ARID3A: variants seen among roughly 807,000 people sequenced by gnomAD.
The protein encoded by ARID3A is AT-rich interactive domain-containing protein 3A.
A neutral mutation model predicts 52.7 loss-of-function variants in ARID3A; 11 were observed. That is an observed-to-expected ratio of 0.21 (90% CI 0.13 to 0.35). The LOEUF is 0.35. Among genes scored for constraint, ARID3A ranks in the 10% least tolerant of loss-of-function variants. The pLI is 1.00. For missense variants in ARID3A, 721 were observed against 838.5 expected (o/e 0.86, Z 1.73); for synonymous variants, 404 against 359.4 (o/e 1.12, Z -1.40).
chr19:957,113 TGG>T (rs10710407), intron 3 of ARID3A, among the ~76,000 whole-genome samples: 15 of 151,438 alleles, frequency 9.9e-5, no homozygotes, highest in Admixed American at 2.0e-4. Context: ...AACCTGTGGG[TGG>T]GGGGGGGCGC....
chr19:926,888 C>T (rs1052123260), intron 1 of ARID3A, among the ~76,000 whole-genome samples: 7 of 152,176 alleles, frequency 4.6e-5, no homozygotes, highest in East Asian at 3.9e-4. Context: ...GGGGTTCCCC[C>T]CCCCATGCAA....
At chr19:933,672 G>T (rs1317124125) in intron 3 of ARID3A, among the ~76,000 whole-genome samples, 1 of 152,142 alleles carries the variant, frequency 6.6e-6, no homozygotes. Flanking sequence ...AGACACCCAG[G>T]GGGGCCTCCC....
chr19:964,112 C>A lies in ARID3A; in HGVS notation c.767-136C>A. On this transcript the variant is annotated intron_variant, in intron 4 of 8. Coordinates refer to ENST00000263620, the MANE Select transcript of ARID3A (RefSeq NM_005224.3). This position sits in a 1 kb window ranked among gnomAD's most constrained non-coding sequence, Gnocchi z 5.7. ...TCCTGCACCCACAGAGGGCCCTGGG[C>A]AATGTCTGGAGACATCTGTGGTTGT... is the stretch of plus-strand genomic sequence containing the variant. The A allele has an allele frequency of 1.5e-6, 1 of 683,844 alleles. No individual in the cohort carries two copies. The highest frequency in any genetic ancestry group is 2.4e-6 in the Non-Finnish European group (1 of 413,832). 42.4% of individuals were successfully genotyped at this position (683,844 alleles called of 1,614,324 possible).
chr19:927,159 G>A (rs1489560355), intron 1 of ARID3A, among the ~76,000 whole-genome samples: 1 of 152,104 alleles, frequency 6.6e-6, no homozygotes, highest in Non-Finnish European at 1.5e-5. Context: ...CCGAGCGGGT[G>A]ACCTCTCTCC....
rs2037569794 is a variant in ARID3A at position 942,162 on chromosome 19, G to A, written c.693+9420G>A. ...CCACCGAGCTATGGACAGGGCCGCT[G>A]GGGGTGCACCCCCACCCTCTCCGAC... On this transcript the variant is annotated intron_variant, in intron 3 of 8. Transcript: ENST00000263620. This position sits in a 1 kb window ranked among gnomAD's most constrained non-coding sequence, Gnocchi z 8.1. Among the ~76,000 whole-genome samples, 1 of 152,138 alleles carries A rather than the reference G, an allele frequency of 6.6e-6. No individual in the cohort carries two copies. The highest frequency in any genetic ancestry group is 1.5e-5 in the Non-Finnish European group (1 of 68,002).
At position 965,019 on chromosome 19, in the gene ARID3A, C is replaced by T; in HGVS notation, c.1137C>T (p.Ser379=). The T allele has an allele frequency of 6.2e-7, 1 of 1,613,624 alleles. No homozygotes were observed. The highest frequency in any genetic ancestry group is 8.5e-7 in the Non-Finnish European group (1 of 1,179,888). ...MLSSPKLPVS[S]LGLAASTNGS... Reference sequence around the variant, plus strand: ...CCTCACCCAAGCTACCCGTGTCCTCCCTGGGCCTGGCCGCAAGCACCAATG... The same window carrying T: ...CCTCACCCAAGCTACCCGTGTCCTCTCTGGGCCTGGCCGCAAGCACCAATG... Residue 379 remains serine, a synonymous_variant, in exon 6 of 9, where the codon TCC becomes TCT. Coordinates refer to ENST00000263620, the MANE Select transcript of ARID3A (RefSeq NM_005224.3).
intron 3 of ARID3A, among the ~76,000 whole-genome samples, chr19:945,749 C>T (rs907070452): frequency 6.6e-6 from 1 of 152,140 alleles, no homozygotes; most frequent in African/African-American, 2.4e-5. Context: ...GTGGGGACGG[C>T]GTCGACATGG....
intron 3 of ARID3A, among the ~76,000 whole-genome samples, chr19:949,965 C>T (rs1045932296): frequency 6.6e-6 from 1 of 152,174 alleles, no homozygotes; most frequent in Non-Finnish European, 1.5e-5. Flanking sequence ...GTCACCGCAT[C>T]TGGGCTAGAT....
rs2038115670 is a variant in ARID3A, at chr19:964,955, T to C, written c.1073T>C (p.Leu358Pro). The C allele has an allele frequency of 6.2e-7, 1 of 1,613,816 alleles. No individual in the cohort carries two copies. The highest frequency in any genetic ancestry group is 8.5e-7 in the Non-Finnish European group (1 of 1,180,026). Reference sequence around the variant, plus strand: ...CGGCGCCAGAGCTTTGGTGGCTCCCTCTTTGCCTACTCGCCAGGCGGGGCA... The same window carrying C: ...CGGCGCCAGAGCTTTGGTGGCTCCCCCTTTGCCTACTCGCCAGGCGGGGCA... ...EGRRQSFGGS[L>P]FAYSPGGAHG... The change falls in exon 6 of 9, where the codon CTC (leucine) becomes CCC (proline). Residue 358 changes from leucine to proline, a missense_variant. Around this residue, in one of 5 missense-constraint regions of ARID3A, gnomAD observed 297 missense variants for 343.2 expected, o/e 0.87. Transcript: ENST00000263620. This position sits in a 1 kb window ranked among gnomAD's most constrained non-coding sequence, Gnocchi z 5.7.
intron 6 of ARID3A, 51 bp downstream of exon 6, chr19:965,131 G>A: frequency 6.5e-7 from 1 of 1,534,976 alleles, no homozygotes; most frequent in Non-Finnish European, 8.8e-7. Context: ...GCTTCAGCCT[G>A]GCTGTCTGAC....
intron 8 of ARID3A, among the ~76,000 whole-genome samples, chr19:969,285 C>G (rs1015143283): frequency 1.3e-5 from 2 of 151,844 alleles, no homozygotes; most frequent in Admixed American, 1.3e-4. Flanking sequence ...GGCTATAGTT[C>G]CAGCACTTCG....
In ARID3A at chr19:974,615, T is replaced by G; in HGVS notation, c.*2550T>G. On this transcript the variant is annotated 3_prime_UTR_variant, in exon 9 of 9. Transcript: ENST00000263620. Reference sequence around the variant, plus strand: ...GTGCACCAGGGTCTGCAGCAGCCACTGGGGCCTGGCTGCCTGCTGCATCTG... The same window carrying G: ...GTGCACCAGGGTCTGCAGCAGCCACGGGGGCCTGGCTGCCTGCTGCATCTG... The G allele has an allele frequency of 4.3e-6, 1 of 230,002 alleles. No homozygotes were observed. Among genetic ancestry groups the G allele is most frequent in the Non-Finnish European group, 8.6e-6 (1 of 116,006 alleles). 14.2% of individuals were successfully genotyped at this position (230,002 alleles called of 1,614,324 possible).
Position 929,446 on chromosome 19 carries a change from C to G in ARID3A, c.-83C>G. On this transcript the variant is annotated 5_prime_UTR_variant, in exon 2 of 9. Transcript: ENST00000263620. The surrounding 1 kb of genome is among the most constrained non-coding windows in gnomAD (Gnocchi z 6.2). The stretch of plus-strand genomic sequence containing the variant: ...CTGCAGTGCGGCCGGGCCCCCTCCC[C>G]GCAGGGGCCGCCCCCGCCGCCCACC... 1 of 1,277,278 alleles carries G rather than the reference C, an allele frequency of 7.8e-7. No individual in the cohort carries two copies. The highest frequency in any genetic ancestry group is 9.9e-7 in the Non-Finnish European group (1 of 1,007,754). The allele number at this position is 1,277,278 out of a possible 1,614,324, so 79.1% of individuals were successfully genotyped here.
chr19:957,378 C>G (rs376221327), intron 3 of ARID3A, among the ~76,000 whole-genome samples: 1 of 152,202 alleles, frequency 6.6e-6, no homozygotes, highest in Non-Finnish European at 1.5e-5. Context: ...GCTCTGGTCC[C>G]GCACTCGCCG....
rs1030994964 is a variant in ARID3A at position 975,884 on chromosome 19, G to A, written c.*3819G>A. On this transcript the variant is annotated 3_prime_UTR_variant, in exon 9 of 9. Coordinates refer to ENST00000263620, the MANE Select transcript of ARID3A (RefSeq NM_005224.3). ...AAATATTTAAGACGATTGTAACCCT[G>A]TAAAGCTGATGAGATATTAAAACGA... 5.5e-6 allele frequency: 1 copy of A among 182,928 alleles called. No homozygotes were observed. The highest frequency in any genetic ancestry group is 1.2e-5 in the Non-Finnish European group (1 of 86,126). 11.3% of individuals were successfully genotyped at this position (182,928 alleles called of 1,614,324 possible).
At chr19:953,816 G>C (rs1009498962) in intron 3 of ARID3A, among the ~76,000 whole-genome samples, 1 of 152,216 alleles carries the variant, frequency 6.6e-6, no homozygotes, top group Admixed American at 6.5e-5. Flanking sequence ...GCTCCTGCCT[G>C]TAATCCCAGC....
At position 959,284 on chromosome 19, in the gene ARID3A, T is replaced by C. The variant is rs1011038785; in HGVS notation, c.694-808T>C. Among the ~76,000 whole-genome samples, 1 of 152,172 alleles carries C rather than the reference T, an allele frequency of 6.6e-6. No individual in the cohort carries two copies. The highest frequency in any genetic ancestry group is 2.4e-5 in the African/African-American group (1 of 41,444). ...CCTGCAGACATCTTTTGTTTTGTTTTGTTTTTAGAGACAGGGTTGCGTTCT... is the reference window on the plus strand; with the variant it reads ...CCTGCAGACATCTTTTGTTTTGTTTCGTTTTTAGAGACAGGGTTGCGTTCT... On this transcript the variant is annotated intron_variant, in intron 3 of 8. Coordinates refer to ENST00000263620, the MANE Select transcript of ARID3A (RefSeq NM_005224.3). The surrounding 1 kb of genome is among the most constrained non-coding windows in gnomAD (Gnocchi z 5.0).
chr19:927,594 G>A (rs973489523), intron 1 of ARID3A, among the ~76,000 whole-genome samples: 14 of 151,714 alleles, frequency 9.2e-5, no homozygotes, highest in African/African-American at 3.4e-4. Context: ...CTCTTCCGTG[G>A]GGGGGGCCTT....
At chr19:932,323 A>G (rs544606347) in intron 2 of ARID3A, 95 bp from the exon 3 acceptor site, 1 of 1,549,896 alleles carries the variant, frequency 6.5e-7, no homozygotes, top group East Asian at 2.4e-5. Context: ...CTATTTCCAG[A>G]GAGGGAAACT....
Sources: gnomAD v4.1 joint callset for allele counts (sites outside exome capture counted in the v4.1 genomes callset) on GRCh38, gnomAD v4.1.1 for gene constraint, gnomAD v4.1.1 regional missense constraint, Gnocchi (gnomAD v3.1) non-coding constraint, MANE v1.5 for transcripts, NCBI Gene and HGNC (gene_info 2026-07-23, HGNC 2026-07-21) for gene names.